KCNH8: variants seen among roughly 807,000 people sequenced by gnomAD.
KCNH8 encodes potassium voltage-gated channel subfamily H member 8, also known as voltage-gated delayed rectifier potassium channel KCNH8.
A neutral mutation model predicts 103.6 loss-of-function variants in KCNH8; 70 were observed. That is an observed-to-expected ratio of 0.68 (90% CI 0.56 to 0.82). The LOEUF (loss-of-function observed/expected upper bound fraction) is 0.82. Among genes scored for constraint, KCNH8 ranks in the 40% least tolerant of loss-of-function variants. The pLI, the probability that KCNH8 is intolerant of heterozygous loss-of-function variation, is 0.00. For missense variants in KCNH8, 1,217 were observed against 1,329.9 expected (o/e 0.92, Z 1.32); for synonymous variants, 498 against 489.4 (o/e 1.02, Z -0.23).
chr3:19,258,911 CTCTCT>C, intron 2 of KCNH8, among the ~76,000 whole-genome samples: 1 of 38,018 alleles, frequency 2.6e-5, no homozygotes, highest in South Asian at 1.0e-3. Flanking sequence ...CTGTTTCTCT[CTCTCT>C]CTCTCTCTCT....
At position 19,326,356 on chromosome 3, in the gene KCNH8, A is replaced by AATATATAT. The variant is rs34714826; in HGVS notation, c.443-16211_443-16204dup. 3.7e-3 allele frequency among the ~76,000 whole-genome samples: 505 copies of AATATATAT among 135,748 alleles called. 7 individuals are homozygous for AATATATAT. Among genetic ancestry groups the AATATATAT allele is most frequent in the Middle Eastern group, 7.6e-3 (2 of 262 alleles). 89.1% of individuals were successfully genotyped at this position (135,748 alleles called of 152,430 possible). The stretch of plus-strand genomic sequence containing the variant: ...ACCCCTGAACTTACAATGAAAGTTA[A>AATATATAT]ATATATATATATATATATATATATA... On this transcript the variant is annotated intron_variant, in intron 3 of 15. Coordinates refer to ENST00000328405, the MANE Select transcript of KCNH8 (RefSeq NM_144633.3).
At chr3:19,234,256 C>T (rs1285006664) in intron 1 of KCNH8, among the ~76,000 whole-genome samples, 1 of 152,188 alleles carries the variant, frequency 6.6e-6, no homozygotes, top group Non-Finnish European at 1.5e-5. Context: ...GCAGGTGGAG[C>T]TGCCTGCCAG....
intron 2 of KCNH8, among the ~76,000 whole-genome samples, chr3:19,259,341 G>C (rs2064397221): frequency 6.6e-6 from 1 of 151,758 alleles, no homozygotes. Context: ...GAAAACATTT[G>C]TTTTAAGCTT....
rs34904245 is a variant in KCNH8, at chr3:19,259,752, CAT to C, written c.310+5878_310+5879del. ...GGATACATACACACATATATATGTA[CAT>C]ATATATATATATGCATATATGTATG... On this transcript the variant is annotated intron_variant, in intron 2 of 15. Transcript: ENST00000328405. Among the ~76,000 whole-genome samples, 574 of 145,348 alleles carry C rather than the reference CAT, an allele frequency of 3.9e-3. 2 individuals carry two copies. The highest frequency in any genetic ancestry group is 0.01 in the Middle Eastern group (3 of 286).
intron 11 of KCNH8, among the ~76,000 whole-genome samples, chr3:19,496,840 T>C (rs1368867418): frequency 6.6e-6 from 1 of 152,176 alleles, no homozygotes; most frequent in African/African-American, 2.4e-5. Context: ...TTTTGGTTGG[T>C]TGGCTTTTTA....
At chr3:19,323,007 A>G (rs1398145239) in intron 3 of KCNH8, among the ~76,000 whole-genome samples, 4 of 152,178 alleles carry the variant, frequency 2.6e-5, no homozygotes, top group South Asian at 2.1e-4. Context: ...GCATTTTGCA[A>G]TTCTCTAAGT....
chr3:19,239,681 T>TCTATCTAC lies in KCNH8; in HGVS notation c.77-13970_77-13969insTCTACCTA, dbSNP rs1553627723. Reference sequence around the variant, plus strand: ...ATCTATCTATCTATCTATCTATCTATCTACCTACCTACCTATCTATCTAAG... The same window carrying TCTATCTAC: ...ATCTATCTATCTATCTATCTATCTATCTATCTACCTACCTACCTACCTATCTATCTAAG... On this transcript the variant is annotated intron_variant, in intron 1 of 15. Coordinates refer to ENST00000328405, the MANE Select transcript of KCNH8 (RefSeq NM_144633.3). 1.2e-3 allele frequency among the ~76,000 whole-genome samples: 160 copies of TCTATCTAC among 138,582 alleles called. 2 individuals carry two copies. Among genetic ancestry groups the TCTATCTAC allele is most frequent in the African/African-American group, 3.1e-3 (121 of 38,672 alleles). The allele number at this position is 138,582 out of a possible 152,430, so 90.9% of individuals were successfully genotyped here. A position where few individuals can be genotyped will look rare whatever the true frequency, so the allele number is the denominator to read the frequency against.
At chr3:19,500,338 G>A (rs2068550944) in intron 11 of KCNH8, among the ~76,000 whole-genome samples, 2 of 152,130 alleles carry the variant, frequency 1.3e-5, no homozygotes, top group Admixed American at 1.3e-4. Context: ...GTAATAATGG[G>A]AGACTTTAAC....
intron 1 of KCNH8, among the ~76,000 whole-genome samples, chr3:19,182,096 AG>A (rs1347797008): frequency 2.6e-5 from 4 of 152,222 alleles, no homozygotes; most frequent in Non-Finnish European, 5.9e-5. Context: ...ATACTAAAAA[AG>A]AGACTGGATT....
chr3:19,279,845 T>G (rs2064733495), intron 2 of KCNH8, among the ~76,000 whole-genome samples: 1 of 152,074 alleles, frequency 6.6e-6, no homozygotes, highest in Non-Finnish European at 1.5e-5. Context: ...GTGTTGGAAA[T>G]TATGAGGTCT....
In KCNH8 at chr3:19,451,354, G is replaced by C; in HGVS notation, c.1775G>C (p.Cys592Ser). The C allele has an allele frequency of 6.2e-7, 1 of 1,613,744 alleles. No homozygotes were observed. ...GCTTTGCAGGCCATCTACTTTGTAT[G>C]CTCGGGCTCCATGGAAGTTCTTAAA... The part of the protein sequence containing the change: ...GDALQAIYFV[C>S]SGSMEVLKDS... The change falls in exon 10 of 16, where the codon TGC (cysteine) becomes TCC (serine). Residue 592 changes from cysteine (C) to serine (S), a missense_variant. Physicochemically the swap from Cys to Ser is moderately radical, Grantham distance 112 (BLOSUM62 -1). Around this residue, in one of 3 missense-constraint regions of KCNH8, gnomAD observed 415 missense variants for 577.4 expected, o/e 0.72. Transcript: ENST00000328405.
chr3:19,193,567 T>C (rs1575426827), intron 1 of KCNH8, among the ~76,000 whole-genome samples: 1 of 151,804 alleles, frequency 6.6e-6, no homozygotes, highest in African/African-American at 2.4e-5. Flanking sequence ...GAGAAAGGTA[T>C]AAAAACATTC....
At chr3:19,408,172 C>T (rs1257911985) in intron 7 of KCNH8, among the ~76,000 whole-genome samples, 1 of 152,056 alleles carries the variant, frequency 6.6e-6, no homozygotes, top group Non-Finnish European at 1.5e-5. Context: ...CATCTATGGG[C>T]TTGTAGGACA....
At chr3:19,404,472 C>G (rs1396029216) in intron 7 of KCNH8, among the ~76,000 whole-genome samples, 1 of 151,916 alleles carries the variant, frequency 6.6e-6, no homozygotes, top group Non-Finnish European at 1.5e-5. Flanking sequence ...GGTTCCACTG[C>G]TTCTCTGAAA....
At chr3:19,526,572 C>CA (rs2069068492) in intron 15 of KCNH8, among the ~76,000 whole-genome samples, 1 of 151,712 alleles carries the variant, frequency 6.6e-6, no homozygotes, top group South Asian at 2.1e-4. Context: ...GTGTTTACAC[C>CA]AAAAAACACA....
chr3:19,255,853 A>G (rs934905271), intron 2 of KCNH8, among the ~76,000 whole-genome samples: 1 of 152,142 alleles, frequency 6.6e-6, no homozygotes, highest in African/African-American at 2.4e-5. Flanking sequence ...ACCAGTTTCA[A>G]CCATTTGACA....
chr3:19,383,920 TGTTTA>T (rs2066321619), intron 5 of KCNH8, among the ~76,000 whole-genome samples: 1 of 152,194 alleles, frequency 6.6e-6, no homozygotes, highest in African/African-American at 2.4e-5. Flanking sequence ...AGTATGTTTA[TGTTTA>T]ATCATTAAAT....
chr3:19,298,005 A>G (rs928901693), intron 3 of KCNH8, among the ~76,000 whole-genome samples: 4 of 152,222 alleles, frequency 2.6e-5, no homozygotes, highest in African/African-American at 7.2e-5. Flanking sequence ...GTGTCTCTCC[A>G]TGGTGACTAT....
chr3:19,447,128 G>A (rs1401646609), intron 8 of KCNH8, among the ~76,000 whole-genome samples: 4 of 152,034 alleles, frequency 2.6e-5, no homozygotes. Context: ...AGAAGTTCTT[G>A]AGTCAAACTT....
Sources: allele counts gnomAD v4.1 joint callset (sites outside exome capture counted in the v4.1 genomes callset), GRCh38; gene constraint gnomAD v4.1.1; regional missense constraint gnomAD v4.1.1; transcripts MANE v1.5; gene names NCBI Gene and HGNC (gene_info 2026-07-23, HGNC 2026-07-21).